Variants in ITSN1 observed in about 807,000 individuals in gnomAD.
The protein encoded by ITSN1 is intersectin-1.
A neutral mutation model predicts 239.8 loss-of-function variants in ITSN1; 58 were observed. The ratio of observed to expected loss-of-function variants is 0.24; its 90% CI spans 0.20 to 0.30. The LOEUF is 0.30. Among genes scored for constraint, ITSN1 ranks in the 10% least tolerant of loss-of-function variants. ITSN1 has a pLI of 1.00. For missense variants in ITSN1, 1,558 were observed against 2,103.3 expected (o/e 0.74, Z 5.07); for synonymous variants, 780 against 770.8 (o/e 1.01, Z -0.20).
chr21:33,872,035 C>T (rs148255247), intron 33 of ITSN1, among the ~76,000 whole-genome samples: 47 of 152,162 alleles, frequency 3.1e-4, no homozygotes, highest in African/African-American at 1.1e-3. Context: ...AACACTTATG[C>T]GCTAAATGTA....
intron 1 of ITSN1, among the ~76,000 whole-genome samples, chr21:33,645,728 G>A (rs1183106563): frequency 1.3e-5 from 2 of 152,204 alleles, no homozygotes; most frequent in Admixed American, 1.3e-4. Context: ...CAGACAGCTA[G>A]AGGTGGGGCC....
intron 1 of ITSN1, among the ~76,000 whole-genome samples, chr21:33,665,920 C>T (rs1601520096): frequency 6.7e-6 from 1 of 150,006 alleles, no homozygotes; most frequent in South Asian, 2.1e-4. Flanking sequence ...AGGCAATATA[C>T]TGTATGGTTC....
intron 5 of ITSN1, among the ~76,000 whole-genome samples, chr21:33,747,948 A>G (rs1233172958): frequency 1.3e-5 from 2 of 152,086 alleles, no homozygotes; most frequent in East Asian, 3.9e-4. Context: ...ACATAAATCT[A>G]TTTTTCTTCT....
intron 1 of ITSN1, among the ~76,000 whole-genome samples, chr21:33,687,911 A>G (rs138244715): frequency 2.0e-5 from 3 of 152,328 alleles, no homozygotes; most frequent in African/African-American, 7.2e-5. Context: ...GACTGTTTCT[A>G]GGAAAACTTG....
At chr21:33,755,553 C>G (rs1569106749) in intron 8 of ITSN1, among the ~76,000 whole-genome samples, 156 bp downstream of exon 8, 1 of 152,196 alleles carries the variant, frequency 6.6e-6, no homozygotes, top group Non-Finnish European at 1.5e-5. Flanking sequence ...ACTGATAACT[C>G]TTTACATAGT....
chr21:33,723,796 A>G (rs1569027129), intron 4 of ITSN1, among the ~76,000 whole-genome samples: 1 of 152,158 alleles, frequency 6.6e-6, no homozygotes, highest in Non-Finnish European at 1.5e-5. Context: ...AAAACCAAGG[A>G]CTTATTGTGG....
In ITSN1 at chr21:33,778,824, C is replaced by G. The variant is rs1038001090; in HGVS notation, c.1597-2637C>G. The stretch of plus-strand genomic sequence containing the variant: ...CGATCTCCTGACCTCGTGATCCGCC[C>G]GCCTCGGCCTCCCAAAGTGCTGGGA... On this transcript the variant is annotated intron_variant, in intron 14 of 39. Transcript: ENST00000381318. 4.0e-5 allele frequency among the ~76,000 whole-genome samples: 6 copies of G among 150,764 alleles called. No homozygotes were observed. The South Asian group carries it at 1.0e-3, about 26-fold the overall frequency.
rs750088086 is a variant in ITSN1, at chr21:33,874,178, A to AAAAAAAG, written c.4174-1176_4174-1175insAAAAAAG. 3.8e-5 allele frequency among the ~76,000 whole-genome samples: 5 copies of AAAAAAAG among 130,844 alleles called. 1 individual carries two copies. The highest frequency in any genetic ancestry group is 1.6e-4 in the Admixed American group (2 of 12,682). The allele number at this position is 130,844 out of a possible 152,430, so 85.8% of individuals were successfully genotyped here. A position where few individuals can be genotyped will look rare whatever the true frequency, so the allele number is the denominator to read the frequency against. On this transcript the variant is annotated intron_variant, in intron 33 of 39. Coordinates refer to ENST00000381318, the MANE Select transcript of ITSN1 (RefSeq NM_003024.3). Reference sequence around the variant, plus strand: ...TCTCAAAAAAAAAAAAAAAAAAAAAAGAACATTTATATAACCAACCCAAAT... The same window carrying AAAAAAAG: ...TCTCAAAAAAAAAAAAAAAAAAAAAAAAAAAAGGAACATTTATATAACCAACCCAAAT...
chr21:33,761,050 T>TC (rs1321105233), intron 8 of ITSN1, among the ~76,000 whole-genome samples: 1 of 151,790 alleles, frequency 6.6e-6, no homozygotes, highest in Non-Finnish European at 1.5e-5. Context: ...TTTTTTTTTT[T>TC]CTTGGCTAAC....
intron 1 of ITSN1, among the ~76,000 whole-genome samples, chr21:33,658,903 T>G (rs914041619): frequency 6.6e-5 from 10 of 152,028 alleles, no homozygotes; most frequent in African/African-American, 2.2e-4. Context: ...TGGGAGTGTC[T>G]TCTTATTCAT....
At chr21:33,798,221 T>C (rs9974890) in intron 18 of ITSN1, among the ~76,000 whole-genome samples, 39,583 of 151,628 alleles carry the variant, frequency 0.26, 6,045 homozygotes, top group East Asian at 0.69. Flanking sequence ...TCTTAGCCTC[T>C]CAAGGAGCTG....
chr21:33,862,347 ATCT>A (rs1437714199), intron 31 of ITSN1, among the ~76,000 whole-genome samples: 2 of 152,178 alleles, frequency 1.3e-5, no homozygotes, highest in Non-Finnish European at 2.9e-5. Flanking sequence ...TATCTGACTC[ATCT>A]TCTTTTTAAC....
At chr21:33,815,728 T>G (rs2073221566) in intron 22 of ITSN1, among the ~76,000 whole-genome samples, 2 of 151,502 alleles carry the variant, frequency 1.3e-5, no homozygotes, top group East Asian at 1.9e-4. Flanking sequence ...AAGACAGGAG[T>G]CTTTTTCTTC....
chr21:33,659,666 G>A (rs2089387333), intron 1 of ITSN1, among the ~76,000 whole-genome samples: 1 of 143,446 alleles, frequency 7.0e-6, no homozygotes, highest in East Asian at 2.0e-4. Flanking sequence ...TTATAATTTA[G>A]CTTTGTAAGC....
chr21:33,702,307 G>T (rs1239300086), intron 1 of ITSN1, among the ~76,000 whole-genome samples: 1 of 151,816 alleles, frequency 6.6e-6, no homozygotes, highest in Non-Finnish European at 1.5e-5. Context: ...AGTAGAGATG[G>T]GGTTTTGCCA....
intron 29 of ITSN1, among the ~76,000 whole-genome samples, chr21:33,839,374 G>T (rs1266430357): frequency 6.6e-6 from 1 of 152,182 alleles, no homozygotes; most frequent in African/African-American, 2.4e-5. Context: ...AGAACCTTCA[G>T]GGGGTGGGGC....
intron 16 of ITSN1, among the ~76,000 whole-genome samples, chr21:33,784,586 T>C (rs1298104976): frequency 1.3e-5 from 2 of 152,226 alleles, no homozygotes; most frequent in Non-Finnish European, 2.9e-5. Flanking sequence ...TTTGGAGGAC[T>C]TAGTGAATAT....
intron 34 of ITSN1, among the ~76,000 whole-genome samples, chr21:33,877,482 G>C (rs1016194674): frequency 6.6e-6 from 1 of 152,118 alleles, no homozygotes. Flanking sequence ...GTAAACTTGC[G>C]TGAGAGCTAC....
At chr21:33,646,697 A>G (rs186843162) in intron 1 of ITSN1, among the ~76,000 whole-genome samples, 22 of 152,346 alleles carry the variant, frequency 1.4e-4, no homozygotes, top group Admixed American at 6.5e-4. Context: ...TTTTTGAGAC[A>G]CATCCACTTA....
Sources: allele counts gnomAD v4.1 joint callset (sites outside exome capture counted in the v4.1 genomes callset), GRCh38; gene constraint gnomAD v4.1.1; transcripts MANE v1.5; gene names NCBI Gene and HGNC (gene_info 2026-07-23, HGNC 2026-07-21).